LARGE1: variants seen among roughly 807,000 people sequenced by gnomAD.
LARGE1 encodes LARGE xylosyl- and glucuronyltransferase 1, also known as xylosyl- and glucuronyltransferase LARGE1.
Under a neutral mutation model 87.6 loss-of-function variants are expected in LARGE1, and 43 were observed. That is an observed-to-expected ratio of 0.49 (90% CI 0.38 to 0.63). The LOEUF (loss-of-function observed/expected upper bound fraction) is 0.63, where lower values mean the gene tolerates loss of function less well. Ranked by LOEUF, LARGE1 falls within the 30% of genes least tolerant of loss-of-function variation. LARGE1 has a pLI of 0.00. For synonymous variants in LARGE1, 434 were observed against 394.6 expected (o/e 1.10, Z -1.18); for missense variants, 802 against 1,000.2 (o/e 0.80, Z 2.67).
intron 6 of LARGE1, among the ~76,000 whole-genome samples, chr22:33,470,635 C>T (rs1022802459): frequency 6.6e-6 from 1 of 152,194 alleles, no homozygotes; most frequent in Non-Finnish European, 1.5e-5. Context: ...CCGGAAGGGC[C>T]CCTCATTCCT....
At chr22:33,398,271 C>A (rs1173809292) in intron 7 of LARGE1, among the ~76,000 whole-genome samples, 1 of 151,958 alleles carries the variant, frequency 6.6e-6, no homozygotes, top group African/African-American at 2.4e-5. Context: ...TCTCTATCCC[C>A]AATGGCTTCA....
At position 33,666,408 on chromosome 22, in the gene LARGE1, G is replaced by C. The variant is rs144496731; in HGVS notation, c.107-15740C>G. Among the ~76,000 whole-genome samples, 894 of 152,324 alleles carry C rather than the reference G, an allele frequency of 5.9e-3. 7 individuals are homozygous for C. Among genetic ancestry groups the C allele is most frequent in the African/African-American group, 0.021 (865 of 41,570 alleles). On this transcript the variant is annotated intron_variant, in intron 2 of 14. Transcript: ENST00000397394. ...CTGGCTACCCTGCCTGGGTTGTCCTGTGCCCTTTCAAAAGGACACTGGCAG... is the reference window on the plus strand; with the variant it reads ...CTGGCTACCCTGCCTGGGTTGTCCTCTGCCCTTTCAAAAGGACACTGGCAG...
chr22:33,676,794 G>C (rs1470623002), intron 2 of LARGE1, among the ~76,000 whole-genome samples: 1 of 152,126 alleles, frequency 6.6e-6, no homozygotes, highest in Non-Finnish European at 1.5e-5. Flanking sequence ...ACCAGAGATA[G>C]AGACATGGTT....
At chr22:33,089,313 C>CTTT in the LARGE1 span, among the ~76,000 whole-genome samples, 2 of 106,264 alleles carry the variant, frequency 1.9e-5, no homozygotes, top group South Asian at 7.3e-4. Context: ...TCTTCTTCTT[C>CTTT]TTTCTTCTTT....
intron 7 of LARGE1, among the ~76,000 whole-genome samples, chr22:33,395,950 G>T (rs1045614473): frequency 6.6e-6 from 1 of 152,204 alleles, no homozygotes; most frequent in Non-Finnish European, 1.5e-5. Context: ...CTGTCAGAAC[G>T]ATTTGCCCCT....
At position 33,385,527 on chromosome 22, in the gene LARGE1, C is replaced by CAA. The variant is rs75780176; in HGVS notation, c.893-1225_893-1224dup. Among the ~76,000 whole-genome samples the CAA allele has an allele frequency of 1.2e-3, 23 of 19,420 alleles. 3 individuals are homozygous for CAA. The highest frequency in any genetic ancestry group is 2.5e-3 in the East Asian group (1 of 400). 12.7% of individuals were successfully genotyped at this position (19,420 alleles called of 152,430 possible). ...TGGACGACAGCGCAGGACACCGTCT[C>CAA]AAAAAAAAAAAAAAAAAAAAAAAAA... On this transcript the variant is annotated intron_variant, in intron 7 of 14. Transcript: ENST00000397394.
chr22:33,201,690 G>A (rs1304570353), intron 11 of LARGE1, among the ~76,000 whole-genome samples: 1 of 152,198 alleles, frequency 6.6e-6, no homozygotes, highest in Non-Finnish European at 1.5e-5. Context: ...TAAAGAAAGA[G>A]AGTGGAGGGG....
chr22:33,846,724 A>G (rs1303556231), intron 1 of LARGE1, among the ~76,000 whole-genome samples: 6 of 152,176 alleles, frequency 3.9e-5, no homozygotes, highest in Non-Finnish European at 1.5e-5. Context: ...AGGTGTGCCC[A>G]TCTTCTATGG....
chr22:33,566,767 T>G (rs2078040245), intron 5 of LARGE1, among the ~76,000 whole-genome samples: 1 of 152,210 alleles, frequency 6.6e-6, no homozygotes, highest in Non-Finnish European at 1.5e-5. Flanking sequence ...TTGGTCCATT[T>G]TATAAAGTGC....
At chr22:33,703,276 G>A (rs2082452410) in intron 2 of LARGE1, among the ~76,000 whole-genome samples, 2 of 151,180 alleles carry the variant, frequency 1.3e-5, no homozygotes, top group African/African-American at 2.4e-5. Context: ...AGGCTGACAG[G>A]TGCAGCAAAC....
intron 4 of LARGE1, among the ~76,000 whole-genome samples, chr22:33,624,737 T>C (rs569311662): frequency 3.3e-5 from 5 of 152,278 alleles, no homozygotes; most frequent in African/African-American, 1.2e-4. Flanking sequence ...CTAAAAGGTT[T>C]TGAGAAATCA....
chr22:33,080,945 T>C, the LARGE1 span, among the ~76,000 whole-genome samples: 1 of 139,648 alleles, frequency 7.2e-6, no homozygotes, highest in African/African-American at 3.0e-5. Flanking sequence ...CGTTCATCCA[T>C]CTGTCTTCCA....
At chr22:33,848,430 C>T (rs1018750989) in intron 1 of LARGE1, among the ~76,000 whole-genome samples, 1 of 152,006 alleles carries the variant, frequency 6.6e-6, no homozygotes, top group Non-Finnish European at 1.5e-5. Context: ...CTATTTCTCT[C>T]TCCACCCCCA....
intron 11 of LARGE1, among the ~76,000 whole-genome samples, chr22:33,190,280 C>T (rs1923707741): frequency 1.3e-5 from 2 of 152,042 alleles, no homozygotes; most frequent in Admixed American, 6.5e-5. Flanking sequence ...TCTTAATTTC[C>T]ATAGAGTACA....
chr22:33,156,375 G>T, the LARGE1 span, among the ~76,000 whole-genome samples: 3 of 152,210 alleles, frequency 2.0e-5, no homozygotes, highest in African/African-American at 7.2e-5. Flanking sequence ...AGGCAGAGCT[G>T]CCCAAGGCTG....
chr22:33,570,734 C>G (rs1038807772), intron 5 of LARGE1, among the ~76,000 whole-genome samples: 1 of 150,474 alleles, frequency 6.6e-6, no homozygotes, highest in South Asian at 2.1e-4. Context: ...AACTGGACAG[C>G]ACACTTTGGG....
Position 33,283,233 on chromosome 22 carries a change from T to C in LARGE1, c.1846A>G (p.Met616Val), listed in dbSNP as rs781142917. Residue 616 changes from methionine to valine, a missense_variant, in exon 13 of 15, where the codon ATG (methionine) becomes GTG (valine). This residue lies in a region of LARGE1 where 625 missense variants were observed against 841.9 expected (regional missense o/e 0.74). Transcript: ENST00000397394. ...FPKSKAELLS[M>V]LDMGTLFTFR... is the part of the protein sequence containing the mutation. ...GTGAAGAGGGTCCCCATGTCCAGCA[T>C]TGACAGCAACTCCGCTTTTGACTTG... 3.7e-6 allele frequency: 6 copies of C among 1,614,154 alleles called. No homozygotes were observed. Among genetic ancestry groups the C allele is most frequent in the Non-Finnish European group, 5.1e-6 (6 of 1,180,034 alleles).
intron 1 of LARGE1, among the ~76,000 whole-genome samples, chr22:33,917,382 T>C (rs2065818450): frequency 6.6e-6 from 1 of 152,348 alleles, no homozygotes; most frequent in South Asian, 2.1e-4. Flanking sequence ...CTGGAAGGGC[T>C]GTGGACATTA....
chr22:33,441,071 CTTT>C (rs35976426), intron 6 of LARGE1, among the ~76,000 whole-genome samples: 3,700 of 98,486 alleles, frequency 0.038, 54 homozygotes, highest in Middle Eastern at 0.071. Flanking sequence ...TTTGTTTGAA[CTTT>C]TTTTTTTTTT....
Sources: allele counts gnomAD v4.1 joint callset (sites outside exome capture counted in the v4.1 genomes callset), GRCh38; gene constraint gnomAD v4.1.1; regional missense constraint gnomAD v4.1.1; transcripts MANE v1.5; gene names NCBI Gene and HGNC (gene_info 2026-07-23, HGNC 2026-07-21).